Variants in GPR157 observed in about 807,000 individuals in gnomAD.
GPR157 encodes G protein-coupled receptor 157, also known as G-protein coupled receptor 157.
A neutral mutation model predicts 23.5 loss-of-function variants in GPR157; 16 were observed. The observed-to-expected ratio is 0.68, with a 90% CI of 0.46 to 1.04. The LOEUF is 1.04. Among genes scored for constraint, GPR157 ranks in the 50% least tolerant of loss-of-function variants. The probability of loss-of-function intolerance (pLI) is 0.00; values close to 1 mark genes in which losing one functional copy is unlikely to be tolerated. For missense variants in GPR157, 440 were observed against 460.7 expected, an observed-to-expected ratio of 0.96 and a Z score of 0.41; for synonymous variants, 200 against 221.5, an observed-to-expected ratio of 0.90 and a Z score of 0.86.
chr1:9,115,455 A>C (rs1638615303), intron 1 of GPR157, among the ~76,000 whole-genome samples: 1 of 152,078 alleles, frequency 6.6e-6, no homozygotes, highest in Non-Finnish European at 1.5e-5. Context: ...GCATGAAGTT[A>C]ATTGATGCTT....
Position 9,128,618 on chromosome 1 carries a change from T to C in GPR157, c.383+27A>G, listed in dbSNP as rs61739938. 17,154 of 1,608,188 alleles carry C rather than the reference T, an allele frequency of 0.011. 127 individuals are homozygous for C. The highest frequency in any genetic ancestry group is 0.013 in the Non-Finnish European group (15,248 of 1,176,806). ...GGGGTCGGCCTGTGTCGGGGGCTCC[T>C]GGAAAAGCAGCGCCACCGCCACCCA... On this transcript the variant is annotated intron_variant, in intron 1 of 3. Transcript: ENST00000377411. The surrounding 1 kb of genome is among the most constrained non-coding windows in gnomAD (Gnocchi z 6.3).
At position 9,118,020 on chromosome 1, in the gene GPR157, C is replaced by T. The variant is rs1232485596; in HGVS notation, c.384-6531G>A. 6.6e-6 allele frequency among the ~76,000 whole-genome samples: 1 copy of T among 152,222 alleles called. No individual in the cohort carries two copies. Among genetic ancestry groups the T allele is most frequent in the African/African-American group, 2.4e-5 (1 of 41,462 alleles). ...CTGCTCAGATGTGGGTGGCTCAGAA[C>T]AGCCAATGGCTGGTGCTGTCTGCCT... On this transcript the variant is annotated intron_variant, in intron 1 of 3. Transcript: ENST00000377411. The surrounding 1 kb of genome is among the most constrained non-coding windows in gnomAD (Gnocchi z 4.6).
At chr1:9,123,671 A>ATTAATGT (rs1638894830) in intron 1 of GPR157, among the ~76,000 whole-genome samples, 1 of 116,234 alleles carries the variant, frequency 8.6e-6, no homozygotes, top group Admixed American at 1.1e-4. Context: ...ATATATATTT[A>ATTAATGT]ATATTAAATA....
In GPR157 at chr1:9,118,557, G is replaced by A. The variant is rs896002256; in HGVS notation, c.384-7068C>T. Among the ~76,000 whole-genome samples, 12 of 152,230 alleles carry A rather than the reference G, an allele frequency of 7.9e-5. No individual in the cohort carries two copies. The highest frequency in any genetic ancestry group is 2.6e-4 in the Admixed American group (4 of 15,286). ...AGAAATGAAAGCCAGACTCCAAGTCGGCTTCCTTCCCACTCAGAGGCCGTT... is the reference window on the plus strand; with the variant it reads ...AGAAATGAAAGCCAGACTCCAAGTCAGCTTCCTTCCCACTCAGAGGCCGTT... On this transcript the variant is annotated intron_variant, in intron 1 of 3. Transcript: ENST00000377411. The surrounding 1 kb of genome is among the most constrained non-coding windows in gnomAD (Gnocchi z 4.6).
intron 1 of GPR157, among the ~76,000 whole-genome samples, chr1:9,117,973 T>C (rs922550390): frequency 6.6e-6 from 1 of 152,076 alleles, no homozygotes; most frequent in South Asian, 2.1e-4. Context: ...TAGAAATTCA[T>C]GTGGTTGGAG....
chr1:9,127,102 C>T (rs1638977834), intron 1 of GPR157, among the ~76,000 whole-genome samples: 1 of 151,954 alleles, frequency 6.6e-6, no homozygotes, highest in African/African-American at 2.4e-5. Context: ...GCCAGTTGAA[C>T]TCCTGGGCTC....
In GPR157 at chr1:9,118,230, C is replaced by A. The variant is rs537810413; in HGVS notation, c.384-6741G>T. On this transcript the variant is annotated intron_variant, in intron 1 of 3. Transcript: ENST00000377411. This position sits in a 1 kb window ranked among gnomAD's most constrained non-coding sequence, Gnocchi z 4.6. ...TGCCGGAGGAATGGGCGGGGTCCTGCCCAGTCCTAAATCTGGGGGCTGAAT... is the reference window on the plus strand; with the variant it reads ...TGCCGGAGGAATGGGCGGGGTCCTGACCAGTCCTAAATCTGGGGGCTGAAT... Among the ~76,000 whole-genome samples, 3 of 152,242 alleles carry A rather than the reference C, an allele frequency of 2.0e-5. No individual in the cohort carries two copies. Among genetic ancestry groups the A allele is most frequent in the African/African-American group, 7.2e-5 (3 of 41,536 alleles).
intron 1 of GPR157, among the ~76,000 whole-genome samples, chr1:9,122,601 G>A (rs916721619): frequency 6.6e-6 from 1 of 152,098 alleles, no homozygotes; most frequent in Non-Finnish European, 1.5e-5. Context: ...AGAAAGCAAT[G>A]AGAAAAACAT....
In GPR157 at chr1:9,105,400, G is replaced by T; in HGVS notation, c.792+86C>A. On this transcript the variant is annotated intron_variant, in intron 3 of 3. Coordinates refer to ENST00000377411, the MANE Select transcript of GPR157 (RefSeq NM_024980.5). This position sits in a 1 kb window ranked among gnomAD's most constrained non-coding sequence, Gnocchi z 4.8. ...TGCAGCTGTGCCTTGGCCGACACTG[G>T]GGTGCAGCCACTGTGCTGCGGGAAG... The T allele has an allele frequency of 2.4e-6, 3 of 1,249,714 alleles. No individual in the cohort carries two copies. The highest frequency in any genetic ancestry group is 3.0e-5 in the South Asian group (2 of 66,366). 77.4% of individuals were successfully genotyped at this position (1,249,714 alleles called of 1,614,324 possible).
At chr1:9,106,594 C>T (rs1401330585) in intron 2 of GPR157, among the ~76,000 whole-genome samples, 1 of 152,152 alleles carries the variant, frequency 6.6e-6, no homozygotes, top group African/African-American at 2.4e-5. Flanking sequence ...CTCCATCTGT[C>T]CCCAGGGCTC....
At position 9,118,809 on chromosome 1, in the gene GPR157, ATCACTTGAAC is replaced by A. The variant is rs1382891674; in HGVS notation, c.384-7330_384-7321del. On this transcript the variant is annotated intron_variant, in intron 1 of 3. Transcript: ENST00000377411. This position sits in a 1 kb window ranked among gnomAD's most constrained non-coding sequence, Gnocchi z 4.6. ...TCCCAGCACTCTGGGAGGCCAAAGG[ATCACTTGAAC>A]CCAGGAGAGTTTGAGACCAGCCTGG... Among the ~76,000 whole-genome samples the A allele has an allele frequency of 2.6e-5, 4 of 152,124 alleles. No homozygotes were observed. Among genetic ancestry groups the A allele is most frequent in the Non-Finnish European group, 5.9e-5 (4 of 68,030 alleles).
chr1:9,112,538 C>T (rs1569958299), intron 1 of GPR157, among the ~76,000 whole-genome samples: 1 of 152,210 alleles, frequency 6.6e-6, no homozygotes, highest in East Asian at 1.9e-4. Flanking sequence ...TTGCAACCTC[C>T]ACCTCCTGGG....
intron 2 of GPR157, among the ~76,000 whole-genome samples, chr1:9,109,079 ATT>A (rs35405293): frequency 0.032 from 3,836 of 121,754 alleles, 92 homozygotes; most frequent in East Asian, 0.19. Flanking sequence ...CCCGGCCCTA[ATT>A]TTTTTTTTTT....
chr1:9,109,964 C>T (rs1638441627), intron 2 of GPR157, among the ~76,000 whole-genome samples: 4 of 152,080 alleles, frequency 2.6e-5, no homozygotes, highest in African/African-American at 9.7e-5. Context: ...ACACACCCTC[C>T]TACAATTTCA....
In GPR157 at chr1:9,105,638, G is replaced by T; in HGVS notation, c.640C>A (p.His214Asn). ...SEYRPILSQE[H>N]RLLRHSSMAD... ...ATGGAGGAGTGGCGCAGCAGGCGGT[G>T]CTCCTGGGAGAGGATGGGCCGGTAC... The change falls in exon 3 of 4, where the codon CAC (histidine) becomes AAC (asparagine). Residue 214 changes from histidine to asparagine, a missense_variant. By Grantham distance (68) the His-to-Asn change is moderately conservative (BLOSUM62 1). Transcript: ENST00000377411. The surrounding 1 kb of genome is among the most constrained non-coding windows in gnomAD (Gnocchi z 4.8). The T allele has an allele frequency of 6.2e-7, 1 of 1,613,036 alleles. No individual in the cohort carries two copies. The highest frequency in any genetic ancestry group is 1.3e-5 in the African/African-American group (1 of 75,044).
intron 1 of GPR157, among the ~76,000 whole-genome samples, chr1:9,112,333 T>C (rs976799568): frequency 2.0e-5 from 3 of 152,218 alleles, no homozygotes; most frequent in African/African-American, 7.2e-5. Flanking sequence ...CTTTGGGCAG[T>C]GTGTCCCTTT....
chr1:9,106,399 C>T (rs1638329865), intron 2 of GPR157, among the ~76,000 whole-genome samples: 1 of 152,158 alleles, frequency 6.6e-6, no homozygotes, highest in South Asian at 2.1e-4. Flanking sequence ...TCCAGTGAGT[C>T]CTCCACTCGG....
rs1408054889 is a variant in GPR157, at chr1:9,128,725, C to A, written c.303G>T (p.Ala101=). The change falls in exon 1 of 4, where the codon GCG becomes GCT. Residue 101 remains alanine (A), a synonymous_variant. Coordinates refer to ENST00000377411, the MANE Select transcript of GPR157 (RefSeq NM_024980.5). This position sits in a 1 kb window ranked among gnomAD's most constrained non-coding sequence, Gnocchi z 6.3. ...GGACGATGCTGAGGTACAAGTAGAGCGCAATGGCCACGGTCCAGAAGAAGG... is the reference window on the plus strand; with the variant it reads ...GGACGATGCTGAGGTACAAGTAGAGAGCAATGGCCACGGTCCAGAAGAAGG... ...TSSFFWTVAI[A]LYLYLSIVRA... The A allele has an allele frequency of 1.2e-6, 2 of 1,613,322 alleles. No homozygotes were observed. Among genetic ancestry groups the A allele is most frequent in the Non-Finnish European group, 1.7e-6 (2 of 1,179,920 alleles).
chr1:9,114,199 C>G (rs1209128954), intron 1 of GPR157, among the ~76,000 whole-genome samples: 1 of 151,568 alleles, frequency 6.6e-6, no homozygotes, highest in African/African-American at 2.4e-5. Flanking sequence ...TGTGGTAGTG[C>G]GTCCCTGTAA....
Sources: allele counts gnomAD v4.1 joint callset (sites outside exome capture counted in the v4.1 genomes callset), GRCh38; gene constraint gnomAD v4.1.1; non-coding constraint Gnocchi (gnomAD v3.1); transcripts MANE v1.5; gene names NCBI Gene and HGNC (gene_info 2026-07-23, HGNC 2026-07-21).